The following PRDM9 variants were observed in gnomAD, a reference collection of about 807,000 sequenced individuals.
The protein encoded by PRDM9 is PR/SET domain 9.
PRDM9 carries 47 observed loss-of-function variants against 55.6 expected under a neutral mutation model. The ratio of observed to expected loss-of-function variants is 0.85; its 90% CI spans 0.67 to 1.08. PRDM9 has a LOEUF of 1.08. Among genes scored for constraint, PRDM9 ranks in the 50% least tolerant of loss-of-function variants. The pLI is 0.00. For synonymous variants in PRDM9, 312 were observed against 375.7 expected (o/e 0.83, Z 1.96); for missense variants, 867 against 1,040.3 (o/e 0.83, Z 2.29).
At position 23,509,067 on chromosome 5, in the gene PRDM9, G is replaced by T; in HGVS notation, c.34G>T (p.Glu12Ter). 6.2e-7 allele frequency: 1 copy of T among 1,614,162 alleles called. No homozygotes were observed. The highest frequency in any genetic ancestry group is 8.5e-7 in the Non-Finnish European group (1 of 1,180,014). ...TGAAAAGTCCCAAGAGGAGAGCCCAGAAGAAGACACAGAGAGAACAGAGCG... is the reference window on the plus strand; with the variant it reads ...TGAAAAGTCCCAAGAGGAGAGCCCATAAGAAGACACAGAGAGAACAGAGCG... The part of the protein sequence containing the change: ...SPEKSQEESP[E>*]EDTERTERKP... Residue 12 changes from glutamate to a stop codon, truncating the protein, a stop_gained, in exon 2 of 11, where the codon GAA becomes TAA. Transcript: ENST00000296682. LOFTEE classifies it high-confidence loss of function.
upstream of PRDM9, chr5:23,507,311 G>C (rs1319615722): frequency 6.6e-6 from 1 of 152,384 alleles, no homozygotes; most frequent in Non-Finnish European, 1.5e-5. Flanking sequence ...GCAAACACCG[G>C]AGTTGGGGAA....
Position 23,507,979 on chromosome 5 carries a change from A to G in PRDM9, c.-85+267A>G, listed in dbSNP as rs536051630. On this transcript the variant is annotated intron_variant, in intron 1 of 10. Transcript: ENST00000296682. ...CCGCAATTCCCCTCACCCTAAGGCA[A>G]CCCAAATCCCTCAGCCTGAGGAACC... Among the ~76,000 whole-genome samples, 76 of 152,184 alleles carry G rather than the reference A, an allele frequency of 5.0e-4. 1 individual carries two copies. Among genetic ancestry groups the G allele is most frequent in the Non-Finnish European group, 8.2e-4 (56 of 67,994 alleles).
intron 6 of PRDM9, 34 bp from the exon 7 acceptor site, chr5:23,522,270 C>G (rs781438796): frequency 3.2e-6 from 5 of 1,542,308 alleles, no homozygotes; most frequent in Non-Finnish European, 4.5e-6. Context: ...ACCCCAGATT[C>G]CCAATTTTAC....
intron 4 of PRDM9, among the ~76,000 whole-genome samples, chr5:23,511,438 C>A (rs1352950440): frequency 6.6e-6 from 1 of 152,122 alleles, no homozygotes; most frequent in African/African-American, 2.4e-5. Flanking sequence ...CTCCACCTCC[C>A]AAGTTCAAGC....
intron 4 of PRDM9, among the ~76,000 whole-genome samples, chr5:23,513,019 T>C (rs1289763859): frequency 6.6e-6 from 1 of 152,240 alleles, no homozygotes; most frequent in Non-Finnish European, 1.5e-5. Context: ...TAAAAATCCA[T>C]TCATTTGTCA....
rs755568378 is a variant in PRDM9, at chr5:23,526,388, G to A, written c.1300G>A (p.Asp434Asn). The part of the protein sequence containing the change: ...LLQPENPCPG[D>N]QNQEQQYPDP... Reference sequence around the variant, plus strand: ...CCAACCAGAGAATCCCTGCCCAGGGGATCAGAATCAGGAGCAGCAATATCC... The same window carrying A: ...CCAACCAGAGAATCCCTGCCCAGGGAATCAGAATCAGGAGCAGCAATATCC... The change falls in exon 11 of 11, where the codon GAT (aspartate) becomes AAT (asparagine). Residue 434 changes from aspartate to asparagine, a missense_variant. Coordinates refer to ENST00000296682, the MANE Select transcript of PRDM9 (RefSeq NM_020227.4). 1 of 1,614,148 alleles carries A rather than the reference G, an allele frequency of 6.2e-7. No homozygotes were observed. The highest frequency in any genetic ancestry group is 8.5e-7 in the Non-Finnish European group (1 of 1,180,034).
intron 9 of PRDM9, among the ~76,000 whole-genome samples, chr5:23,523,882 A>G (rs562654158): frequency 2.0e-5 from 3 of 152,272 alleles, no homozygotes; most frequent in Admixed American, 2.0e-4. Flanking sequence ...ACCTGAATGA[A>G]CTGTAGGGTG....
At chr5:23,512,138 A>T (rs921789906) in intron 4 of PRDM9, among the ~76,000 whole-genome samples, 4 of 152,206 alleles carry the variant, frequency 2.6e-5, no homozygotes, top group African/African-American at 7.2e-5. Context: ...GTAAAGATAT[A>T]TCATTTATGT....
chr5:23,509,182 TG>T, intron 2 of PRDM9, 80 bp downstream of exon 2: 1 of 1,565,768 alleles, frequency 6.4e-7, no homozygotes, highest in Non-Finnish European at 8.8e-7. Flanking sequence ...CCTGTACCCT[TG>T]GGGGACCCTA....
At chr5:23,509,222 G>T in intron 2 of PRDM9, 120 bp downstream of exon 2, 1 of 1,425,628 alleles carries the variant, frequency 7.0e-7, no homozygotes, top group East Asian at 2.4e-5. Context: ...GGGGGCAGCT[G>T]GTCCTGGCCA....
intron 2 of PRDM9, among the ~76,000 whole-genome samples, 154 bp from the exon 3 acceptor site, chr5:23,509,316 T>G (rs1233929997): frequency 6.6e-6 from 1 of 152,118 alleles, no homozygotes; most frequent in Non-Finnish European, 1.5e-5. Context: ...GTCTGCTCAG[T>G]TAAATGGGAC....
In PRDM9 at chr5:23,526,616, G is replaced by C. The variant is rs755549279; in HGVS notation, c.1528G>C (p.Gly510Arg). The C allele has an allele frequency of 6.2e-7, 1 of 1,614,106 alleles. No individual in the cohort carries two copies. Among genetic ancestry groups the C allele is most frequent in the Non-Finnish European group, 8.5e-7 (1 of 1,180,044 alleles). Reference protein sequence around the residue: ...TGQKVNPGNTGKLFVGVGISR... With the variant: ...TGQKVNPGNTRKLFVGVGISR... ...CCAGAAAGTGAATCCAGGGAACACAGGCAAATTATTTGTGGGGGTAGGAAT... is the reference window on the plus strand; with the variant it reads ...CCAGAAAGTGAATCCAGGGAACACACGCAAATTATTTGTGGGGGTAGGAAT... Residue 510 changes from glycine to arginine, a missense_variant, in exon 11 of 11, where the codon GGC becomes CGC. Coordinates refer to ENST00000296682, the MANE Select transcript of PRDM9 (RefSeq NM_020227.4).
chr5:23,528,039 TTG>T lies in PRDM9; in HGVS notation c.*268_*269del. The T allele has an allele frequency of 1.7e-6, 1 of 578,024 alleles. No individual in the cohort carries two copies. The allele number at this position is 578,024 out of a possible 1,614,324, so 35.8% of individuals were successfully genotyped here. A position where few individuals can be genotyped will look rare whatever the true frequency, so the allele number is the denominator to read the frequency against. ...TTCCCGCACTGATCCCCTCCATTTT[TTG>T]TTTGTTTTTTTGCCTCCTGTTCTAA... On this transcript the variant is annotated 3_prime_UTR_variant, in exon 11 of 11. Transcript: ENST00000296682.
chr5:23,510,089 T>C, intron 4 of PRDM9, 62 bp downstream of exon 4: 3 of 1,489,014 alleles, frequency 2.0e-6, no homozygotes, highest in Non-Finnish European at 2.8e-6. Flanking sequence ...AGTTTTGCTC[T>C]TTTCACCCAG....
At chr5:23,518,003 G>C (rs1739250200) in intron 5 of PRDM9, 73 bp downstream of exon 5, 1 of 1,358,256 alleles carries the variant, frequency 7.4e-7, no homozygotes, top group Non-Finnish European at 1.1e-6. Flanking sequence ...GGAGGAGAAT[G>C]TACAGACTAT....
intron 4 of PRDM9, among the ~76,000 whole-genome samples, chr5:23,514,695 G>C (rs898312632): frequency 4.0e-5 from 6 of 151,776 alleles, no homozygotes; most frequent in African/African-American, 1.5e-4. Context: ...CCACCTCCTC[G>C]GCCTCCCAAA....
intron 4 of PRDM9, among the ~76,000 whole-genome samples, chr5:23,516,573 C>T (rs1739213840): frequency 6.6e-6 from 1 of 151,172 alleles, no homozygotes; most frequent in South Asian, 2.1e-4. Flanking sequence ...AGGGTTTCAC[C>T]GTGTTAGCCA....
At position 23,527,835 on chromosome 5, in the gene PRDM9, T is replaced by G. The variant is rs1739511041; in HGVS notation, c.*62T>G. On this transcript the variant is annotated 3_prime_UTR_variant, in exon 11 of 11. Coordinates refer to ENST00000296682, the MANE Select transcript of PRDM9 (RefSeq NM_020227.4). ...AAAGACAAATGTGGTCACCACACACTTGCACACCCCAGCTGTGAGGTGGCT... is the reference window on the plus strand; with the variant it reads ...AAAGACAAATGTGGTCACCACACACGTGCACACCCCAGCTGTGAGGTGGCT... The G allele has an allele frequency of 6.2e-7, 1 of 1,600,068 alleles. No homozygotes were observed. Among genetic ancestry groups the G allele is most frequent in the Non-Finnish European group, 8.5e-7 (1 of 1,169,610 alleles).
chr5:23,522,816 G>A lies in PRDM9; in HGVS notation c.813G>A (p.Leu271=), dbSNP rs1739359046. 6.2e-7 allele frequency: 1 copy of A among 1,614,106 alleles called. No individual in the cohort carries two copies. Among genetic ancestry groups the A allele is most frequent in the African/African-American group, 1.3e-5 (1 of 74,942 alleles). ...AGGCATCTGATCTGCCGCTGGGTCT[G>A]CACTTTGGCCCTTATGAGGGCCGAA... ...WNEASDLPLG[L]HFGPYEGRIT... Residue 271 remains leucine (L), a synonymous_variant, in exon 8 of 11, where the codon CTG becomes CTA. Transcript: ENST00000296682.
Sources: allele counts gnomAD v4.1 joint callset (sites outside exome capture counted in the v4.1 genomes callset), GRCh38; gene constraint gnomAD v4.1.1; transcripts MANE v1.5; gene names NCBI Gene and HGNC (gene_info 2026-07-23, HGNC 2026-07-21).